The following CACNA2D3 variants were observed in gnomAD, a reference collection of about 807,000 sequenced individuals.
CACNA2D3 encodes calcium voltage-gated channel auxiliary subunit alpha2delta 3, also known as voltage-dependent calcium channel subunit alpha-2/delta-3.
CACNA2D3 carries 60 observed loss-of-function variants against 160.6 expected under a neutral mutation model. The ratio of observed to expected loss-of-function variants is 0.37; its 90% CI spans 0.30 to 0.46. The LOEUF (loss-of-function observed/expected upper bound fraction) is 0.46, where lower values mean the gene tolerates loss of function less well. Among genes scored for constraint, CACNA2D3 ranks in the 20% least tolerant of loss-of-function variants. The pLI is 1.00. For missense variants in CACNA2D3, 1,205 were observed against 1,365.0 expected (o/e 0.88, Z 1.85); for synonymous variants, 558 against 492.9 (o/e 1.13, Z -1.75).
intron 14 of CACNA2D3, among the ~76,000 whole-genome samples, chr3:54,832,195 G>A (rs1703896208): frequency 6.6e-6 from 1 of 152,170 alleles, no homozygotes; most frequent in Non-Finnish European, 1.5e-5. Context: ...CTCCTGGTTA[G>A]AAAAAGAAAA....
chr3:54,217,659 C>G (rs1307332187), intron 2 of CACNA2D3, among the ~76,000 whole-genome samples: 4 of 152,042 alleles, frequency 2.6e-5, no homozygotes, highest in African/African-American at 9.7e-5. Flanking sequence ...GCAAGGAATG[C>G]CAGCAGCCAC....
chr3:54,175,383 G>C (rs372287036), intron 2 of CACNA2D3, among the ~76,000 whole-genome samples: 1 of 152,022 alleles, frequency 6.6e-6, no homozygotes, highest in African/African-American at 2.4e-5. Flanking sequence ...TTGGGAGACC[G>C]AGGCGGGCGG....
At chr3:54,337,082 A>C (rs1438182977) in intron 3 of CACNA2D3, among the ~76,000 whole-genome samples, 2 of 147,136 alleles carry the variant, frequency 1.4e-5, no homozygotes, top group Admixed American at 7.1e-5. Context: ...AGACATAGAC[A>C]GACAGACAGA....
intron 13 of CACNA2D3, among the ~76,000 whole-genome samples, chr3:54,781,612 T>A (rs569567327): frequency 6.6e-6 from 1 of 152,364 alleles, no homozygotes; most frequent in South Asian, 2.1e-4. Context: ...GCCTAAGTCC[T>A]TGCAGTGAAC....
At position 54,439,287 on chromosome 3, in the gene CACNA2D3, A is replaced by G. The variant is rs1700106580; in HGVS notation, c.381+52513A>G. 2.7e-5 allele frequency among the ~76,000 whole-genome samples: 4 copies of G among 150,844 alleles called. No homozygotes were observed. In the South Asian group the frequency reaches 8.4e-4, roughly 32 times the overall value. ...GCTTGCAAATTAAGGAAACCCACTC[A>G]AGCTAGCCTACATAAAGGAGGGTGT... On this transcript the variant is annotated intron_variant, in intron 4 of 37. Transcript: ENST00000474759.
chr3:54,764,845 G>A (rs1367846450), intron 13 of CACNA2D3, among the ~76,000 whole-genome samples: 1 of 152,158 alleles, frequency 6.6e-6, no homozygotes, highest in Non-Finnish European at 1.5e-5. Context: ...GGTTCAGTAG[G>A]CACTGGATTG....
intron 14 of CACNA2D3, among the ~76,000 whole-genome samples, chr3:54,820,409 T>C (rs966432787): frequency 1.2e-4 from 19 of 152,326 alleles, no homozygotes; most frequent in African/African-American, 4.6e-4. Flanking sequence ...TAGTCCTTTA[T>C]GACAATGTTT....
At chr3:54,332,007 G>C (rs1704269550) in intron 3 of CACNA2D3, among the ~76,000 whole-genome samples, 1 of 152,102 alleles carries the variant, frequency 6.6e-6, no homozygotes, top group Admixed American at 6.5e-5. Flanking sequence ...CGTGGAGAAG[G>C]GGATGAAAAA....
At chr3:54,369,430 A>G (rs1698884744) in intron 3 of CACNA2D3, among the ~76,000 whole-genome samples, 2 of 152,146 alleles carry the variant, frequency 1.3e-5, no homozygotes, top group South Asian at 2.1e-4. Context: ...GGGCCTGAGG[A>G]ACCGGACAAG....
chr3:54,990,186 C>G (rs1011694203), intron 31 of CACNA2D3, among the ~76,000 whole-genome samples: 2 of 152,130 alleles, frequency 1.3e-5, no homozygotes, highest in Non-Finnish European at 2.9e-5. Flanking sequence ...TGGACAGCAC[C>G]GGGCTGGCCC....
chr3:54,493,652 C>T (rs534540855), intron 4 of CACNA2D3, among the ~76,000 whole-genome samples: 90 of 152,316 alleles, frequency 5.9e-4, no homozygotes, highest in African/African-American at 2.1e-3. Flanking sequence ...GGCCCAGCCT[C>T]GTGCATCTTT....
intron 2 of CACNA2D3, among the ~76,000 whole-genome samples, chr3:54,176,595 G>A (rs899127265): frequency 3.3e-5 from 5 of 152,166 alleles, no homozygotes; most frequent in African/African-American, 4.8e-5. Flanking sequence ...TGTTTCCCAC[G>A]TGAGTCTGTA....
At chr3:54,684,910 G>A (rs998687589) in intron 11 of CACNA2D3, among the ~76,000 whole-genome samples, 3 of 151,974 alleles carry the variant, frequency 2.0e-5, no homozygotes, top group South Asian at 2.1e-4. Flanking sequence ...CTTCAATCTC[G>A]TTTACATAAT....
intron 2 of CACNA2D3, among the ~76,000 whole-genome samples, chr3:54,151,262 G>A (rs746134505): frequency 3.3e-5 from 5 of 151,438 alleles, no homozygotes; most frequent in African/African-American, 7.3e-5. Context: ...TGAATGGACC[G>A]GTGGGTGAAT....
chr3:54,317,000 C>T (rs934006171), intron 2 of CACNA2D3, among the ~76,000 whole-genome samples: 2 of 152,336 alleles, frequency 1.3e-5, no homozygotes, highest in Non-Finnish European at 2.9e-5. Flanking sequence ...ATTTCACTGA[C>T]TATAAATATT....
chr3:54,162,594 A>C (rs1321803857), intron 2 of CACNA2D3, among the ~76,000 whole-genome samples: 2 of 152,186 alleles, frequency 1.3e-5, no homozygotes, highest in African/African-American at 4.8e-5. Context: ...AATTCCACCC[A>C]ACTTCAAGGT....
intron 4 of CACNA2D3, among the ~76,000 whole-genome samples, chr3:54,470,766 A>G (rs1318103690): frequency 2.0e-5 from 3 of 152,214 alleles, no homozygotes; most frequent in African/African-American, 7.2e-5. Flanking sequence ...TTGCAATCCT[A>G]GTCTCTGATA....
At chr3:54,558,470 A>G (rs1480861184) in intron 5 of CACNA2D3, among the ~76,000 whole-genome samples, 2 of 151,758 alleles carry the variant, frequency 1.3e-5, no homozygotes, top group African/African-American at 4.8e-5. Flanking sequence ...CAGGTTTGTT[A>G]TGTGGGTAAA....
At chr3:54,548,557 G>T (rs1007821421) in intron 5 of CACNA2D3, among the ~76,000 whole-genome samples, 3 of 152,114 alleles carry the variant, frequency 2.0e-5, no homozygotes, top group Non-Finnish European at 2.9e-5. Flanking sequence ...CCCATTACCA[G>T]ACCTGGCCAT....
Sources: allele counts gnomAD v4.1 joint callset (sites outside exome capture counted in the v4.1 genomes callset), GRCh38; gene constraint gnomAD v4.1.1; transcripts MANE v1.5; gene names NCBI Gene and HGNC (gene_info 2026-07-23, HGNC 2026-07-21).